The following RNPEP variants were observed in gnomAD, a reference collection of about 807,000 sequenced individuals.
The protein encoded by RNPEP is arginyl aminopeptidase, also known as aminopeptidase B.
A neutral mutation model predicts 70.1 loss-of-function variants in RNPEP; 57 were observed. The observed-to-expected ratio is 0.81, with a 90% CI of 0.66 to 1.01. The LOEUF (loss-of-function observed/expected upper bound fraction) is 1.01, where lower values mean the gene tolerates loss of function less well. RNPEP is among the 50% of genes least tolerant of loss of function. RNPEP has a pLI of 0.00. For synonymous variants in RNPEP, 335 were observed against 357.4 expected (o/e 0.94, Z 0.71); for missense variants, 787 against 852.4 (o/e 0.92, Z 0.96).
intron 3 of RNPEP, among the ~76,000 whole-genome samples, chr1:201,994,494 C>G (rs1193909179): frequency 6.6e-6 from 1 of 152,086 alleles, no homozygotes; most frequent in Non-Finnish European, 1.5e-5. Context: ...GGTGCTTCCT[C>G]ACATGCATAT....
At chr1:201,983,412 A>G (rs981998274) in intron 1 of RNPEP, 2 of 1,484,588 alleles carry the variant, frequency 1.3e-6, no homozygotes, top group African/African-American at 2.8e-5. Context: ...ATTGCGCCGC[A>G]TTCCCGCTCA....
intron 1 of RNPEP, among the ~76,000 whole-genome samples, chr1:201,984,759 T>C (rs948928464): frequency 1.3e-5 from 2 of 151,708 alleles, no homozygotes; most frequent in African/African-American, 4.8e-5. Context: ...GTGGTTAATA[T>C]GGTGCGTGGT....
chr1:201,988,450 T>A (rs1683206832), intron 1 of RNPEP, among the ~76,000 whole-genome samples: 2 of 113,258 alleles, frequency 1.8e-5, no homozygotes, highest in Admixed American at 1.9e-4. Context: ...AGAGCGATAC[T>A]CTGTCTCAAA....
chr1:201,986,440 G>A (rs1380272484), intron 1 of RNPEP, among the ~76,000 whole-genome samples: 1 of 151,684 alleles, frequency 6.6e-6, no homozygotes, highest in Non-Finnish European at 1.5e-5. Context: ...AGCGTAGGAT[G>A]ACCCTGTATT....
In RNPEP at chr1:202,003,298, C is replaced by T. The variant is rs866084707; in HGVS notation, c.1488C>T (p.Ser496=). ...GGCCCCCGTACCTCCCTGATCTCTC[C>T]CCTGGGGACTCACTCATGAAGCCTG... is the stretch of plus-strand genomic sequence containing the variant. ...PGWPPYLPDL[S]PGDSLMKPAE... The change falls in exon 9 of 11, where the codon TCC becomes TCT. Residue 496 remains serine, a synonymous_variant. Transcript: ENST00000295640. 2.5e-6 allele frequency: 4 copies of T among 1,614,140 alleles called. No individual in the cohort carries two copies. The Middle Eastern group carries it at 5.0e-4, about 200-fold the overall frequency.
At chr1:201,987,524 GC>G (rs1217812131) in intron 1 of RNPEP, among the ~76,000 whole-genome samples, 2 of 144,646 alleles carry the variant, frequency 1.4e-5, no homozygotes, top group Non-Finnish European at 3.0e-5. Context: ...TGCAACATCT[GC>G]CTCCTGGGTT....
Position 202,003,448 on chromosome 1 carries a change from C to G in RNPEP, c.1638C>G (p.Ser546=), listed in dbSNP as rs1683917438. 6.2e-7 allele frequency: 1 copy of G among 1,612,374 alleles called. No individual in the cohort carries two copies. The highest frequency in any genetic ancestry group is 2.2e-5 in the East Asian group (1 of 44,866). Residue 546 remains serine (S), a synonymous_variant, in exon 9 of 11, where the codon TCC becomes TCG. Transcript: ENST00000295640. ...TCCTGGATAAGATCCTCCAGAAATC[C>G]CCTCTCCCTCCTGGTAAGAAAAAAT... The part of the protein sequence containing the change: ...VYFLDKILQK[S]PLPPGNVKKL...
At chr1:201,995,586 C>T (rs1683515756) in intron 3 of RNPEP, 1 of 152,240 alleles carries the variant, frequency 6.6e-6, no homozygotes, top group African/African-American at 2.4e-5. Flanking sequence ...GGTTGGGGAG[C>T]TGAGATGGAA....
At position 201,986,044 on chromosome 1, in the gene RNPEP, C is replaced by T. The variant is rs574968210; in HGVS notation, c.448-2860C>T. On this transcript the variant is annotated intron_variant, in intron 1 of 10. Transcript: ENST00000295640. ...CCTGGTTCAAGTGATCCTCCTGCCTCAGCCCAAGTAGCTGGGACTACAGGC... is the reference window on the plus strand; with the variant it reads ...CCTGGTTCAAGTGATCCTCCTGCCTTAGCCCAAGTAGCTGGGACTACAGGC... Among the ~76,000 whole-genome samples the T allele has an allele frequency of 4.6e-5, 7 of 152,276 alleles. No homozygotes were observed. The South Asian group carries it at 1.5e-3, about 32-fold the overall frequency.
intron 5 of RNPEP, among the ~76,000 whole-genome samples, chr1:201,998,765 A>G (rs1466876466): frequency 6.6e-6 from 1 of 152,212 alleles, no homozygotes; most frequent in African/African-American, 2.4e-5. Flanking sequence ...CTCAGAGTCA[A>G]AACATCTAGG....
intron 5 of RNPEP, among the ~76,000 whole-genome samples, chr1:201,999,657 C>A (rs1240726487): frequency 1.3e-5 from 2 of 152,178 alleles, no homozygotes; most frequent in African/African-American, 4.8e-5. Context: ...AGGAGAGAGA[C>A]CAACAGCCTG....
intron 3 of RNPEP, among the ~76,000 whole-genome samples, chr1:201,995,490 C>G (rs927833998): frequency 1.0e-3 from 146 of 143,088 alleles, no homozygotes; most frequent in African/African-American, 3.5e-3. Context: ...CAAGACCAGC[C>G]AGGGCAACAT....
At chr1:201,992,818 C>T (rs1296398973) in intron 3 of RNPEP, among the ~76,000 whole-genome samples, 1 of 152,194 alleles carries the variant, frequency 6.6e-6, no homozygotes, top group Non-Finnish European at 1.5e-5. Context: ...ACACCTTTCT[C>T]AATTCTTCGT....
intron 8 of RNPEP, among the ~76,000 whole-genome samples, chr1:202,002,321 G>C (rs545028913): frequency 6.6e-6 from 1 of 152,010 alleles, no homozygotes; most frequent in East Asian, 1.9e-4. Flanking sequence ...GCGCCACCAC[G>C]CCCGGCTATT....
At chr1:202,001,563 C>A (rs762740860) in intron 7 of RNPEP, 75 bp downstream of exon 7, 8 of 1,435,242 alleles carry the variant, frequency 5.6e-6, no homozygotes, top group Non-Finnish European at 7.9e-6. Context: ...AGGCAGGGGG[C>A]GAAAGATGTA....
At chr1:201,989,645 TC>T in intron 3 of RNPEP, 114 bp downstream of exon 3, 1 of 1,091,876 alleles carries the variant, frequency 9.2e-7, no homozygotes, top group Non-Finnish European at 1.3e-6. Flanking sequence ...TCTGTCTGAG[TC>T]CAGAGCCTTT....
Position 202,003,299 on chromosome 1 carries a change from C to G in RNPEP, c.1489C>G (p.Pro497Ala). 6.2e-7 allele frequency: 1 copy of G among 1,614,172 alleles called. No homozygotes were observed. Among genetic ancestry groups the G allele is most frequent in the Non-Finnish European group, 8.5e-7 (1 of 1,180,032 alleles). ...GWPPYLPDLSPGDSLMKPAEE... is the reference protein window; with the variant it reads ...GWPPYLPDLSAGDSLMKPAEE... ...GCCCCCGTACCTCCCTGATCTCTCC[C>G]CTGGGGACTCACTCATGAAGCCTGC... Residue 497 changes from proline (P) to alanine (A), a missense_variant, in exon 9 of 11, where the codon CCT (proline) becomes GCT (alanine). Pro to Ala is a conservative substitution (Grantham distance 27). Coordinates refer to ENST00000295640, the MANE Select transcript of RNPEP (RefSeq NM_020216.4).
At chr1:201,988,866 G>A in intron 1 of RNPEP, 38 bp from the exon 2 acceptor site, 2 of 1,581,736 alleles carry the variant, frequency 1.3e-6, no homozygotes, top group South Asian at 1.2e-5. Context: ...AGCTCGTGTG[G>A]GAGATGTCAG....
chr1:201,983,616 G>A, intron 1 of RNPEP: 1 of 1,249,412 alleles, frequency 8.0e-7, no homozygotes, highest in Non-Finnish European at 1.0e-6. Flanking sequence ...CTAGTTCCAC[G>A]GTTAAAGCTC....
Sources: allele counts gnomAD v4.1 joint callset (sites outside exome capture counted in the v4.1 genomes callset), GRCh38; gene constraint gnomAD v4.1.1; transcripts MANE v1.5; gene names NCBI Gene and HGNC (gene_info 2026-07-23, HGNC 2026-07-21).